Variants in STRN observed in about 807,000 individuals in gnomAD.
STRN encodes striatin.
In STRN, 53 loss-of-function variants were observed where a neutral mutation model predicts 96.3. The ratio of observed to expected loss-of-function variants is 0.55; its 90% CI spans 0.44 to 0.69. STRN has a LOEUF of 0.69. STRN is among the 30% of genes least tolerant of loss of function. The probability of loss-of-function intolerance (pLI) is 0.00; values close to 1 mark genes in which losing one functional copy is unlikely to be tolerated. For missense variants in STRN, 987 were observed against 963.9 expected, an observed-to-expected ratio of 1.02 and a Z score of -0.32; for synonymous variants, 428 against 355.9, an observed-to-expected ratio of 1.20 and a Z score of -2.28.
At position 36,883,717 on chromosome 2, in the gene STRN, G is replaced by A. The variant is rs182196368; in HGVS notation, c.1186+215C>T. The stretch of plus-strand genomic sequence containing the variant: ...CGGATATTTTAAACCAGAATTTAGA[G>A]TTGGTTTTTAAGTGTATGCACCTTC... On this transcript the variant is annotated intron_variant, in intron 9 of 17. Coordinates refer to ENST00000263918, the MANE Select transcript of STRN (RefSeq NM_003162.4). 1.8e-3 allele frequency among the ~76,000 whole-genome samples: 271 copies of A among 152,276 alleles called. 1 individual carries two copies. Among genetic ancestry groups the A allele is most frequent in the Middle Eastern group, 3.4e-3 (1 of 294 alleles).
At position 36,849,627 on chromosome 2, in the gene STRN, T is replaced by C; in HGVS notation, c.2174-2A>G. On this transcript the variant is annotated splice_acceptor_variant, in intron 17 of 17. Transcript: ENST00000263918. LOFTEE classifies it high-confidence loss of function. Reference sequence around the variant, plus strand: ...ATAAACGTATTGAACAGTCATGACCTATATCCAAAAAAAAAATTAAAAGGA... The same window carrying C: ...ATAAACGTATTGAACAGTCATGACCCATATCCAAAAAAAAAATTAAAAGGA... The C allele has an allele frequency of 6.2e-7, 1 of 1,611,726 alleles. No individual in the cohort carries two copies. Among genetic ancestry groups the C allele is most frequent in the Non-Finnish European group, 8.5e-7 (1 of 1,179,390 alleles).
At chr2:36,869,528 A>G in intron 11 of STRN, 26 bp downstream of exon 11, 2 of 1,451,772 alleles carry the variant, frequency 1.4e-6, no homozygotes, top group African/African-American at 1.4e-5. Flanking sequence ...AAATATTCAA[A>G]TAATGTTAAA....
chr2:36,899,601 A>G lies in STRN; in HGVS notation c.717T>C (p.Ser239=), dbSNP rs751351548. The G allele has an allele frequency of 1.1e-5, 17 of 1,613,704 alleles. No homozygotes were observed. Among genetic ancestry groups the G allele is most frequent in the Non-Finnish European group, 1.4e-5 (17 of 1,179,904 alleles). The change falls in exon 6 of 18, where the codon AGT becomes AGC. Residue 239 remains serine, a synonymous_variant. Coordinates refer to ENST00000263918, the MANE Select transcript of STRN (RefSeq NM_003162.4). ...CTTCATCACTGAAATCTGCAGCTGCACTTTCAAGGAATTTGAAATTATCCA... is the reference window on the plus strand; with the variant it reads ...CTTCATCACTGAAATCTGCAGCTGCGCTTTCAAGGAATTTGAAATTATCCA... ...SVLDNFKFLE[S]AAADFSDEDE...
At chr2:36,948,290 G>C (rs950289751) in intron 1 of STRN, among the ~76,000 whole-genome samples, 2 of 151,332 alleles carry the variant, frequency 1.3e-5, no homozygotes, top group African/African-American at 2.4e-5. Flanking sequence ...TAGTAGAGAC[G>C]GGTTTCACCA....
intron 3 of STRN, among the ~76,000 whole-genome samples, chr2:36,905,880 G>A (rs966415188): frequency 6.6e-6 from 1 of 152,228 alleles, no homozygotes; most frequent in African/African-American, 2.4e-5. Context: ...ACTAGACTAA[G>A]AATTTTTCTC....
chr2:36,916,241 T>C (rs1670095252), intron 2 of STRN, 90 bp from the exon 3 acceptor site: 1 of 1,091,580 alleles, frequency 9.2e-7, no homozygotes, highest in Non-Finnish European at 1.4e-6. Flanking sequence ...TCAGTAGTCC[T>C]GGCTGAACAC....
chr2:36,855,693 G>C (rs1213506610), intron 14 of STRN, among the ~76,000 whole-genome samples: 1 of 152,050 alleles, frequency 6.6e-6, no homozygotes, highest in African/African-American at 2.4e-5. Context: ...GACATAGTGG[G>C]AATTCTTCAT....
At chr2:36,942,063 G>A (rs1480203387) in intron 1 of STRN, among the ~76,000 whole-genome samples, 2 of 152,102 alleles carry the variant, frequency 1.3e-5, no homozygotes, top group Non-Finnish European at 2.9e-5. Flanking sequence ...ACACGGCTAT[G>A]TGACCAATGA....
intron 1 of STRN, among the ~76,000 whole-genome samples, chr2:36,925,677 G>A (rs924320174): frequency 1.3e-5 from 2 of 152,070 alleles, no homozygotes; most frequent in Non-Finnish European, 2.9e-5. Context: ...GGAGGCTTAG[G>A]CAGGAGAATT....
At chr2:36,913,146 C>T (rs1444702757) in intron 3 of STRN, among the ~76,000 whole-genome samples, 2 of 152,168 alleles carry the variant, frequency 1.3e-5, no homozygotes, top group Non-Finnish European at 2.9e-5. Context: ...TTGCTCCTCT[C>T]TAATCCATCT....
chr2:36,861,147 G>A lies in STRN; in HGVS notation c.1654C>T (p.Pro552Ser). ...AATCACCTACCATAAGAATCATAGG[G>A]GTCGATGTTGGGATTAGTGGTATTC... ...GWNTTNPNID[P>S]YDSYDPSVLR... Residue 552 changes from proline to serine, a missense_variant, in exon 13 of 18, where the codon CCC (proline) becomes TCC (serine). Coordinates refer to ENST00000263918, the MANE Select transcript of STRN (RefSeq NM_003162.4). 6.2e-7 allele frequency: 1 copy of A among 1,613,724 alleles called. No homozygotes were observed. The highest frequency in any genetic ancestry group is 1.1e-5 in the South Asian group (1 of 91,038).
intron 1 of STRN, among the ~76,000 whole-genome samples, chr2:36,962,937 T>C (rs918163482): frequency 1.3e-5 from 2 of 152,234 alleles, no homozygotes; most frequent in African/African-American, 4.8e-5. Context: ...ATGCCTCACA[T>C]ACAGAAATTT....
intron 2 of STRN, among the ~76,000 whole-genome samples, chr2:36,923,376 A>G (rs1166471604): frequency 2.0e-5 from 3 of 148,272 alleles, no homozygotes; most frequent in Middle Eastern, 3.4e-3. Flanking sequence ...GCTTGAGCCC[A>G]GAAGGCGGAG....
rs1170637087 is a variant in STRN, at chr2:36,838,531, AT to A, written c.*10924del. Reference sequence around the variant, plus strand: ...CTGAAAAATCACTACATCCACCAGGATTTTTTTCTTTTTTCTACGTATTTTT... The same window carrying A: ...CTGAAAAATCACTACATCCACCAGGATTTTTTCTTTTTTCTACGTATTTTT... On this transcript the variant is annotated 3_prime_UTR_variant, in exon 18 of 18. Transcript: ENST00000263918. 2.0e-5 allele frequency among the ~76,000 whole-genome samples: 3 copies of A among 152,026 alleles called. No individual in the cohort carries two copies. Among genetic ancestry groups the A allele is most frequent in the African/African-American group, 7.2e-5 (3 of 41,382 alleles).
At chr2:36,874,875 C>A (rs555037468) in intron 10 of STRN, among the ~76,000 whole-genome samples, 1 of 152,146 alleles carries the variant, frequency 6.6e-6, no homozygotes, top group African/African-American at 2.4e-5. Context: ...TAAATGTTCT[C>A]AGGTGAAAAG....
At chr2:36,865,746 G>C (rs1000695655) in intron 12 of STRN, among the ~76,000 whole-genome samples, 24 of 152,028 alleles carry the variant, frequency 1.6e-4, no homozygotes, top group Non-Finnish European at 5.9e-5. Flanking sequence ...ATTTTTAGTA[G>C]AGATGGGGTT....
rs563643367 is a variant in STRN, at chr2:36,932,408, G to A, written c.235-7200C>T. Among the ~76,000 whole-genome samples, 3 of 152,200 alleles carry A rather than the reference G, an allele frequency of 2.0e-5. No homozygotes were observed. The East Asian group carries it at 5.8e-4, about 29-fold the overall frequency. ...GACCTCGGGTGATCTGCCTGCCTCG[G>A]CCTCCCAAAATGCTGGGATTACACG... On this transcript the variant is annotated intron_variant, in intron 1 of 17. Coordinates refer to ENST00000263918, the MANE Select transcript of STRN (RefSeq NM_003162.4).
intron 7 of STRN, 125 bp from the exon 8 acceptor site, chr2:36,886,951 T>C (rs1006992365): frequency 1.9e-5 from 12 of 622,664 alleles, no homozygotes; most frequent in Non-Finnish European, 2.6e-5. Context: ...AAAGTCAGTT[T>C]ATTCATTTTA....
chr2:36,932,033 T>A (rs1376264841), intron 1 of STRN, among the ~76,000 whole-genome samples: 2 of 152,216 alleles, frequency 1.3e-5, no homozygotes, highest in Non-Finnish European at 2.9e-5. Context: ...GTTGCCAGGC[T>A]GGTCTCGAAC....
Sources: gnomAD v4.1 joint callset for allele counts (sites outside exome capture counted in the v4.1 genomes callset) on GRCh38, gnomAD v4.1.1 for gene constraint, MANE v1.5 for transcripts, NCBI Gene and HGNC (gene_info 2026-07-23, HGNC 2026-07-21) for gene names.